The following FAM13B variants were observed in gnomAD, a reference collection of about 807,000 sequenced individuals.
The protein encoded by FAM13B is protein FAM13B.
In FAM13B, 60 loss-of-function variants were observed where a neutral mutation model predicts 117.3. That is an observed-to-expected ratio of 0.51 (90% CI 0.42 to 0.63). The LOEUF is 0.63. Among genes scored for constraint, FAM13B ranks in the 30% least tolerant of loss-of-function variants. FAM13B has a pLI of 0.00. For missense variants in FAM13B, 972 were observed against 1,091.9 expected (o/e 0.89, Z 1.55); for synonymous variants, 332 against 356.1 (o/e 0.93, Z 0.76).
intron 1 of FAM13B, among the ~76,000 whole-genome samples, chr5:138,022,112 CAAAAAAAAAA>C (rs34110085): frequency 1.5e-3 from 205 of 135,486 alleles, no homozygotes; most frequent in Admixed American, 1.7e-3. Flanking sequence ...GATCCTGTCT[CAAAAAAAAAA>C]AAAAAAAAAA....
chr5:138,051,761 G>C (rs1791806889), intron 1 of FAM13B: 1 of 152,136 alleles, frequency 6.6e-6, no homozygotes, highest in Non-Finnish European at 1.5e-5. Context: ...ACCATATAGA[G>C]AGGAAATTCA....
chr5:138,005,048 G>C (rs1438169457), intron 7 of FAM13B, among the ~76,000 whole-genome samples: 1 of 152,068 alleles, frequency 6.6e-6, no homozygotes, highest in Non-Finnish European at 1.5e-5. Flanking sequence ...GACCAGCCTG[G>C]GCAACATGGT....
chr5:138,036,934 T>C (rs1025754432), upstream of FAM13B: 36 of 310,056 alleles, frequency 1.2e-4, no homozygotes, highest in African/African-American at 7.9e-4. Flanking sequence ...GAGGTGCTAT[T>C]GGCTGGTGGG....
rs79364492 is a variant in FAM13B at position 138,017,343 on chromosome 5, A to G, written c.370+959T>C. Among the ~76,000 whole-genome samples the G allele has an allele frequency of 1.0e-2, 1,517 of 152,328 alleles. 29 individuals carry two copies. Among genetic ancestry groups the G allele is most frequent in the African/African-American group, 0.034 (1,424 of 41,570 alleles). ...CGGATAAACACTTTCGAAAGAAAAT[A>G]TACCTTCTCTGACAACATAATACTT... On this transcript the variant is annotated intron_variant, in intron 4 of 23. Transcript: ENST00000689681.
chr5:138,032,325 G>A (rs761045314), intron 1 of FAM13B, among the ~76,000 whole-genome samples: 1 of 152,182 alleles, frequency 6.6e-6, no homozygotes, highest in Non-Finnish European at 1.5e-5. Context: ...CTCATCTCAC[G>A]TGACCTTAAA....
At chr5:138,050,918 T>C (rs541154105) in intron 1 of FAM13B, among the ~76,000 whole-genome samples, 1 of 152,274 alleles carries the variant, frequency 6.6e-6, no homozygotes, top group East Asian at 1.9e-4. Context: ...ACAAAAATAA[T>C]ACATATTTGT....
chr5:137,967,408 T>C (rs1020294216), intron 10 of FAM13B, among the ~76,000 whole-genome samples: 10 of 151,990 alleles, frequency 6.6e-5, no homozygotes, highest in Non-Finnish European at 1.5e-4. Flanking sequence ...CCTGCAATCC[T>C]AGCTACTCGG....
In FAM13B at chr5:137,942,080, CT is replaced by C. The variant is rs781668097; in HGVS notation, c.2589-36del. The C allele has an allele frequency of 1.6e-5, 24 of 1,518,732 alleles. No homozygotes were observed. In the East Asian group the frequency reaches 4.7e-4, roughly 30 times the overall value. The allele number at this position is 1,518,732 out of a possible 1,614,324, so 94.1% of individuals were successfully genotyped here. Reference sequence around the variant, plus strand: ...AAATGGTAAAATACTGAAGGGCACACTTGATTCATTATATTCTTAAGAGAGG... The same window carrying C: ...AAATGGTAAAATACTGAAGGGCACACTGATTCATTATATTCTTAAGAGAGG... On this transcript the variant is annotated intron_variant, in intron 22 of 23. Transcript: ENST00000689681.
At chr5:137,944,913 A>AT (rs745619065) in intron 20 of FAM13B, among the ~76,000 whole-genome samples, 2 of 151,914 alleles carry the variant, frequency 1.3e-5, no homozygotes, top group Non-Finnish European at 2.9e-5. Context: ...ACTCATGGAC[A>AT]TAAAAAAAAG....
chr5:138,031,709 G>T (rs1790085666), intron 1 of FAM13B, among the ~76,000 whole-genome samples: 1 of 151,596 alleles, frequency 6.6e-6, no homozygotes, highest in Non-Finnish European at 1.5e-5. Context: ...AAGTAAGAAG[G>T]CGCTCCCAAT....
rs1780703420 is a variant in FAM13B at position 137,999,586 on chromosome 5, C to T, written c.848+7404G>A. On this transcript the variant is annotated intron_variant, in intron 7 of 23. Coordinates refer to ENST00000689681, the MANE Select transcript of FAM13B (RefSeq NM_001385994.1). ...AAGACCTTCCAGCCTCTATCCATTA[C>T]CCAGTTCCAAAGCAACTTCCATATT... 2.0e-5 allele frequency among the ~76,000 whole-genome samples: 3 copies of T among 152,184 alleles called. 1 individual carries two copies. In the South Asian group the frequency reaches 6.2e-4, roughly 32 times the overall value.
chr5:137,944,485 C>T (rs981272343), intron 20 of FAM13B, among the ~76,000 whole-genome samples: 5 of 151,948 alleles, frequency 3.3e-5, no homozygotes, highest in African/African-American at 4.8e-5. Context: ...AGAACAAAAT[C>T]GGCAGGGCAC....
At chr5:138,043,433 T>C (rs534266545) in intron 1 of FAM13B, among the ~76,000 whole-genome samples, 1 of 151,312 alleles carries the variant, frequency 6.6e-6, no homozygotes, top group Non-Finnish European at 1.5e-5. Flanking sequence ...TTCTTTTTTT[T>C]CTTTCTTTCT....
chr5:137,984,288 T>G (rs866803371), intron 10 of FAM13B, among the ~76,000 whole-genome samples: 1 of 152,210 alleles, frequency 6.6e-6, no homozygotes, highest in African/African-American at 2.4e-5. Flanking sequence ...TCATCTGTAG[T>G]AGAAATCTCC....
At chr5:138,002,603 AT>A (rs1195976099) in intron 7 of FAM13B, among the ~76,000 whole-genome samples, 2 of 152,088 alleles carry the variant, frequency 1.3e-5, no homozygotes, top group African/African-American at 4.8e-5. Flanking sequence ...ATCTCTAAAA[AT>A]ATATTTAAAA....
At chr5:138,030,718 C>G (rs566778691) in intron 1 of FAM13B, among the ~76,000 whole-genome samples, 10 of 143,666 alleles carry the variant, frequency 7.0e-5, no homozygotes, top group African/African-American at 2.3e-4. Flanking sequence ...CCGTCCCCCC[C>G]CCCCAAAAAA....
intron 2 of FAM13B, 116 bp downstream of exon 2, chr5:138,020,915 G>T: frequency 1.8e-6 from 1 of 554,810 alleles, no homozygotes; most frequent in Non-Finnish European, 2.7e-6. Context: ...CAATGTATCT[G>T]GTGCCAGCTA....
chr5:138,030,352 T>A (rs948510789), intron 1 of FAM13B, among the ~76,000 whole-genome samples: 2 of 150,868 alleles, frequency 1.3e-5, no homozygotes, highest in African/African-American at 4.9e-5. Context: ...GCTCAAGCAA[T>A]CCTCCCACCT....
intron 1 of FAM13B, among the ~76,000 whole-genome samples, chr5:138,041,083 A>G (rs1561559330): frequency 6.7e-6 from 1 of 149,910 alleles, no homozygotes; most frequent in Admixed American, 6.7e-5. Context: ...AAAAAAAAAG[A>G]AAAGAAAAGA....
Sources: gnomAD v4.1 joint callset for allele counts (sites outside exome capture counted in the v4.1 genomes callset) on GRCh38, gnomAD v4.1.1 for gene constraint, MANE v1.5 for transcripts, NCBI Gene and HGNC (gene_info 2026-07-23, HGNC 2026-07-21) for gene names.